COBLL1: variants seen among roughly 807,000 people sequenced by gnomAD.
The protein encoded by COBLL1 is cordon-bleu WH2 repeat protein like 1, also known as cordon-bleu protein-like 1.
A neutral mutation model predicts 94.8 loss-of-function variants in COBLL1; 50 were observed. The observed-to-expected ratio is 0.53, with a 90% confidence interval of 0.42 to 0.67. COBLL1 has a LOEUF of 0.67. Among genes scored for constraint, COBLL1 ranks in the 30% least tolerant of loss-of-function variants. The pLI, the probability that COBLL1 is intolerant of heterozygous loss-of-function variation, is 0.00. For missense variants in COBLL1, 1,362 were observed against 1,348.7 expected (o/e 1.01, Z -0.15); for synonymous variants, 448 against 473.8 (o/e 0.95, Z 0.71).
chr2:164,664,150 C>T (rs1691113815), intron 2 of COBLL1, among the ~76,000 whole-genome samples: 2 of 152,200 alleles, frequency 1.3e-5, no homozygotes, highest in Admixed American at 1.3e-4. Context: ...TTCTATCCCA[C>T]TGAGTATTGT....
At chr2:164,761,259 T>G (rs2105221973) in intron 2 of COBLL1, 1 of 152,188 alleles carries the variant, frequency 6.6e-6, no homozygotes, top group South Asian at 2.1e-4. Context: ...AAATACAAAA[T>G]TAGCTGGGCA....
Position 164,802,844 on chromosome 2 carries a change from A to C in COBLL1, c.41+38312T>G, listed in dbSNP as rs557387472. 2.6e-5 allele frequency among the ~76,000 whole-genome samples: 4 copies of C among 152,316 alleles called. No individual in the cohort carries two copies. The South Asian group carries it at 8.3e-4, about 32-fold the overall frequency. On this transcript the variant is annotated intron_variant, in intron 2 of 13. Transcript: ENST00000652658. ...TAAAACTCATGCTTAAAGGAGGGAAAGAGAGGGAGGAAGGAAGGGGAGGGA... is the reference window on the plus strand; with the variant it reads ...TAAAACTCATGCTTAAAGGAGGGAACGAGAGGGAGGAAGGAAGGGGAGGGA...
At chr2:164,826,981 C>A (rs1230096521) in intron 2 of COBLL1, among the ~76,000 whole-genome samples, 1 of 151,354 alleles carries the variant, frequency 6.6e-6, no homozygotes, top group African/African-American at 2.4e-5. Context: ...GACAGGGTCT[C>A]GCTCTATCAC....
At chr2:164,734,028 G>A (rs1217914321) in intron 3 of COBLL1, among the ~76,000 whole-genome samples, 2 of 152,196 alleles carry the variant, frequency 1.3e-5, no homozygotes, top group Non-Finnish European at 2.9e-5. Flanking sequence ...AATGCAAATT[G>A]TCAAGCCCCA....
At chr2:164,707,780 T>C (rs1025318804) in intron 7 of COBLL1, among the ~76,000 whole-genome samples, 6 of 152,176 alleles carry the variant, frequency 3.9e-5, no homozygotes, top group Admixed American at 6.5e-5. Flanking sequence ...CGTGTAAAGC[T>C]TGGGGCATTC....
intron 2 of COBLL1, among the ~76,000 whole-genome samples, chr2:164,744,219 T>C (rs1686742687): frequency 6.6e-6 from 1 of 152,132 alleles, no homozygotes; most frequent in African/African-American, 2.4e-5. Flanking sequence ...ATTACAAAAA[T>C]CCTTAATGTT....
At chr2:164,745,325 G>T (rs1263540210) in intron 2 of COBLL1, among the ~76,000 whole-genome samples, 3 of 152,050 alleles carry the variant, frequency 2.0e-5, no homozygotes, top group Admixed American at 1.3e-4. Flanking sequence ...CTTCAGAAAA[G>T]ACTTATTTTA....
intron 12 of COBLL1, 79 bp from the exon 13 acceptor site, chr2:164,692,476 A>G: frequency 2.7e-6 from 3 of 1,123,384 alleles, no homozygotes; most frequent in Admixed American, 2.2e-5. Context: ...TTTCATCATC[A>G]ATAGTTCTTT....
At chr2:164,746,652 C>G (rs929177921) in intron 2 of COBLL1, among the ~76,000 whole-genome samples, 1 of 151,992 alleles carries the variant, frequency 6.6e-6, no homozygotes, top group Non-Finnish European at 1.5e-5. Context: ...GACGAGGTTA[C>G]ATTCTGACAA....
At chr2:164,828,750 G>A (rs190845829) in intron 2 of COBLL1, among the ~76,000 whole-genome samples, 15 of 152,190 alleles carry the variant, frequency 9.9e-5, no homozygotes, top group Non-Finnish European at 1.3e-4. Flanking sequence ...AATCTGACTT[G>A]GCATAAAATA....
At chr2:164,818,725 A>G (rs1000515634) in intron 2 of COBLL1, among the ~76,000 whole-genome samples, 1 of 146,862 alleles carries the variant, frequency 6.8e-6, no homozygotes, top group Non-Finnish European at 1.5e-5. Context: ...GTATATATAT[A>G]TGTACTTATG....
chr2:164,744,632 C>T (rs1686775147), intron 2 of COBLL1, among the ~76,000 whole-genome samples: 1 of 152,130 alleles, frequency 6.6e-6, no homozygotes, highest in Non-Finnish European at 1.5e-5. Context: ...CCAGCCTGCG[C>T]AACATGGTGA....
intron 2 of COBLL1, among the ~76,000 whole-genome samples, chr2:164,817,665 T>C (rs952673445): frequency 1.1e-4 from 16 of 148,716 alleles, no homozygotes; most frequent in African/African-American, 3.4e-4. Context: ...AACTAATCAC[T>C]GAATGAGTTC....
chr2:164,714,781 A>C (rs1443722060), intron 7 of COBLL1, among the ~76,000 whole-genome samples: 1 of 152,198 alleles, frequency 6.6e-6, no homozygotes. Flanking sequence ...TAGAGAGGCT[A>C]AGTAAACTTC....
intron 2 of COBLL1, among the ~76,000 whole-genome samples, chr2:164,813,290 C>T (rs1392768638): frequency 6.6e-6 from 1 of 152,062 alleles, no homozygotes; most frequent in Non-Finnish European, 1.5e-5. Context: ...TAGTAATGCA[C>T]TTATTTTAAC....
chr2:164,705,026 C>G lies in COBLL1; in HGVS notation c.1076G>C (p.Arg359Thr). 6.2e-7 allele frequency: 1 copy of G among 1,604,132 alleles called. No homozygotes were observed. Among genetic ancestry groups the G allele is most frequent in the Non-Finnish European group, 8.5e-7 (1 of 1,175,504 alleles). ...SMSAGNSSLRRTKRKAPSPPS... is the reference protein window; with the variant it reads ...SMSAGNSSLRTTKRKAPSPPS... ...TGGGGAAGGTGCTTTTCGCTTTGTCCTTCTCAAAGATGAATTCCCTGCAGA... is the reference window on the plus strand; with the variant it reads ...TGGGGAAGGTGCTTTTCGCTTTGTCGTTCTCAAAGATGAATTCCCTGCAGA... The change falls in exon 8 of 14, where the codon AGG becomes ACG. Residue 359 changes from arginine to threonine, a missense_variant. Physicochemically the swap from Arg to Thr is moderately conservative, Grantham distance 71. Coordinates refer to ENST00000652658, the MANE Select transcript of COBLL1 (RefSeq NM_001365672.2).
chr2:164,795,809 A>T (rs1447394320), intron 2 of COBLL1, among the ~76,000 whole-genome samples: 1 of 152,208 alleles, frequency 6.6e-6, no homozygotes, highest in Non-Finnish European at 1.5e-5. Flanking sequence ...GTTACATTTA[A>T]AATTAACTTT....
chr2:164,816,019 C>CT (rs1412588993), intron 2 of COBLL1, among the ~76,000 whole-genome samples: 1 of 151,860 alleles, frequency 6.6e-6, no homozygotes, highest in Non-Finnish European at 1.5e-5. Context: ...AAATCTTGCA[C>CT]TAAGAAGTTT....
chr2:164,789,231 TG>T (rs1390449752), intron 2 of COBLL1, among the ~76,000 whole-genome samples: 1 of 152,076 alleles, frequency 6.6e-6, no homozygotes, highest in Non-Finnish European at 1.5e-5. Flanking sequence ...GGTATTAGAT[TG>T]GTCATACACC....
Sources: allele counts gnomAD v4.1 joint callset (sites outside exome capture counted in the v4.1 genomes callset), GRCh38; gene constraint gnomAD v4.1.1; transcripts MANE v1.5; gene names NCBI Gene and HGNC (gene_info 2026-07-23, HGNC 2026-07-21).